TMEM117: variants seen among roughly 807,000 people sequenced by gnomAD.
TMEM117 encodes the protein transmembrane protein 117.
In TMEM117, 27 loss-of-function variants were observed where a neutral mutation model predicts 52.4. That is an observed-to-expected ratio of 0.51 (90% CI 0.38 to 0.71). TMEM117 has a LOEUF of 0.71. TMEM117 is among the 30% of genes least tolerant of loss of function. The probability of loss-of-function intolerance (pLI) is 0.00; values close to 1 mark genes in which losing one functional copy is unlikely to be tolerated. For missense variants in TMEM117, 556 were observed against 630.5 expected, an observed-to-expected ratio of 0.88 and a Z score of 1.26; for synonymous variants, 215 against 206.3, an observed-to-expected ratio of 1.04 and a Z score of -0.36.
chr12:44,023,719 A>T, intron 3 of TMEM117, among the ~76,000 whole-genome samples: 1 of 145,074 alleles, frequency 6.9e-6, no homozygotes, highest in Non-Finnish European at 1.5e-5. Context: ...TAGATTCTGG[A>T]TATTAGCCCT....
chr12:44,154,203 C>G (rs1948794008), intron 4 of TMEM117, among the ~76,000 whole-genome samples: 1 of 152,054 alleles, frequency 6.6e-6, no homozygotes, highest in South Asian at 2.1e-4. Flanking sequence ...ATAGAAATTA[C>G]TGGTCAAGTG....
intron 6 of TMEM117, among the ~76,000 whole-genome samples, chr12:44,346,553 G>A (rs993059356): frequency 5.9e-5 from 9 of 151,938 alleles, no homozygotes; most frequent in Non-Finnish European, 1.0e-4. Context: ...GTACTCATTG[G>A]GTCTATTTGT....
chr12:43,916,019 G>GTGA (rs111855683), intron 2 of TMEM117, among the ~76,000 whole-genome samples: 11,483 of 152,036 alleles, frequency 0.076, 538 homozygotes, highest in African/African-American at 0.13. Flanking sequence ...CAGGGAGAGG[G>GTGA]TGATGGTTGG....
rs144082206 is a variant in TMEM117 at position 44,343,666 on chromosome 12, G to A, written c.769-32929G>A. 2.2e-3 allele frequency among the ~76,000 whole-genome samples: 333 copies of A among 152,178 alleles called. 2 individuals are homozygous for A. The highest frequency in any genetic ancestry group is 4.2e-3 in the Non-Finnish European group (288 of 67,988). Reference sequence around the variant, plus strand: ...TAATCAGGTTGACCAAAATTTAAATGTCCTCAACACTATTAAATTATACAC... The same window carrying A: ...TAATCAGGTTGACCAAAATTTAAATATCCTCAACACTATTAAATTATACAC... On this transcript the variant is annotated intron_variant, in intron 6 of 7. Coordinates refer to ENST00000266534, the MANE Select transcript of TMEM117 (RefSeq NM_032256.3).
chr12:44,088,489 A>C (rs1253781605), intron 3 of TMEM117, among the ~76,000 whole-genome samples: 1 of 152,200 alleles, frequency 6.6e-6, no homozygotes, highest in Non-Finnish European at 1.5e-5. Flanking sequence ...CCTCTTAAAA[A>C]ATTTCCATAA....
At chr12:44,230,002 A>C (rs1027281325) in intron 5 of TMEM117, among the ~76,000 whole-genome samples, 4 of 152,124 alleles carry the variant, frequency 2.6e-5, no homozygotes. Flanking sequence ...GTATATGCTA[A>C]TGGTGTGTTT....
At chr12:44,088,662 A>G (rs1341464560) in intron 3 of TMEM117, among the ~76,000 whole-genome samples, 1 of 152,176 alleles carries the variant, frequency 6.6e-6, no homozygotes, top group African/African-American at 2.4e-5. Flanking sequence ...GGTTAATCTG[A>G]AGATGTCGGG....
intron 4 of TMEM117, among the ~76,000 whole-genome samples, chr12:44,157,279 G>C (rs565435940): frequency 2.0e-5 from 3 of 152,102 alleles, no homozygotes; most frequent in Admixed American, 6.6e-5. Context: ...TGCTCAGGGG[G>C]TGGCTTATTT....
chr12:44,036,570 G>C (rs1946713675), intron 3 of TMEM117, among the ~76,000 whole-genome samples: 1 of 152,042 alleles, frequency 6.6e-6, no homozygotes, highest in Non-Finnish European at 1.5e-5. Flanking sequence ...TTATCACTAA[G>C]GTATTTGCTT....
At chr12:44,071,116 T>C (rs1947295299) in intron 3 of TMEM117, among the ~76,000 whole-genome samples, 1 of 152,228 alleles carries the variant, frequency 6.6e-6, no homozygotes, top group African/African-American at 2.4e-5. Context: ...TTTATCAAGA[T>C]AACAATGGCC....
At chr12:44,324,030 A>C (rs185989443) in intron 6 of TMEM117, among the ~76,000 whole-genome samples, 4 of 152,128 alleles carry the variant, frequency 2.6e-5, no homozygotes, top group Admixed American at 2.6e-4. Flanking sequence ...CCTCATTTTG[A>C]CATCATTTCA....
intron 4 of TMEM117, among the ~76,000 whole-genome samples, chr12:44,206,335 G>A (rs73100836): frequency 0.054 from 8,227 of 152,176 alleles, 314 homozygotes; most frequent in Middle Eastern, 0.086. Context: ...CCGTCATTCC[G>A]GTAAACCAAC....
At chr12:44,231,117 T>G (rs2138451978) in intron 5 of TMEM117, among the ~76,000 whole-genome samples, 1 of 152,032 alleles carries the variant, frequency 6.6e-6, no homozygotes, top group Admixed American at 6.6e-5. Context: ...TCCCCTTTCT[T>G]CCACTCCAAG....
chr12:44,246,030 T>G (rs999115710), intron 5 of TMEM117, among the ~76,000 whole-genome samples: 3 of 152,154 alleles, frequency 2.0e-5, no homozygotes, highest in Non-Finnish European at 2.9e-5. Context: ...GAATTTTAAT[T>G]TGATCAGCAT....
chr12:43,987,324 C>A (rs1945864858), intron 3 of TMEM117, among the ~76,000 whole-genome samples: 1 of 152,154 alleles, frequency 6.6e-6, no homozygotes, highest in Non-Finnish European at 1.5e-5. Flanking sequence ...GTTTAGTTAC[C>A]CAGTACATGG....
chr12:44,285,333 C>T (rs935852318), intron 5 of TMEM117, among the ~76,000 whole-genome samples: 2 of 152,182 alleles, frequency 1.3e-5, no homozygotes, highest in Non-Finnish European at 2.9e-5. Flanking sequence ...TAATGGACAA[C>T]ATTAGAGTCT....
intron 2 of TMEM117, among the ~76,000 whole-genome samples, chr12:43,854,616 A>T (rs980373005): frequency 2.6e-5 from 4 of 151,984 alleles, no homozygotes; most frequent in East Asian, 1.9e-4. Context: ...CACACTTTTT[A>T]AAAAATTTTA....
intron 3 of TMEM117, among the ~76,000 whole-genome samples, chr12:43,991,088 G>A (rs1485902558): frequency 2.6e-5 from 4 of 152,156 alleles, no homozygotes; most frequent in Non-Finnish European, 5.9e-5. Context: ...CACTGAAAGA[G>A]GGCCTCAGAA....
chr12:43,820,030 T>C, the TMEM117 span, among the ~76,000 whole-genome samples: 1 of 152,222 alleles, frequency 6.6e-6, no homozygotes, highest in African/African-American at 2.4e-5. Context: ...AAGAAAACAT[T>C]ATTATCCATT....
Sources: allele counts gnomAD v4.1 joint callset (sites outside exome capture counted in the v4.1 genomes callset), GRCh38; gene constraint gnomAD v4.1.1; transcripts MANE v1.5; gene names NCBI Gene and HGNC (gene_info 2026-07-23, HGNC 2026-07-21).